The following TMEM132D variants were observed in gnomAD, a reference collection of about 807,000 sequenced individuals.
The protein encoded by TMEM132D is mature OL transmembrane protein.
A neutral mutation model predicts 62.3 loss-of-function variants in TMEM132D; 21 were observed. The ratio of observed to expected loss-of-function variants is 0.34; its 90% CI spans 0.24 to 0.49. The LOEUF is 0.49. TMEM132D is among the 20% of genes least tolerant of loss of function. The pLI is 0.99. For synonymous variants in TMEM132D, 621 were observed against 575.6 expected (o/e 1.08, Z -1.13); for missense variants, 1,346 against 1,402.8 (o/e 0.96, Z 0.65).
intron 2 of TMEM132D, among the ~76,000 whole-genome samples, chr12:129,668,891 A>T (rs1266386230): frequency 6.6e-6 from 1 of 152,176 alleles, no homozygotes; most frequent in Non-Finnish European, 1.5e-5. Flanking sequence ...CTCACTGGGG[A>T]ATCTGGCCTC....
At chr12:129,448,720 A>G (rs1593013115) in intron 3 of TMEM132D, among the ~76,000 whole-genome samples, 1 of 152,198 alleles carries the variant, frequency 6.6e-6, no homozygotes. Flanking sequence ...AAAAACTTTA[A>G]TCATACAGGA....
chr12:129,541,149 C>G (rs944472457), intron 2 of TMEM132D, among the ~76,000 whole-genome samples: 14 of 152,164 alleles, frequency 9.2e-5, no homozygotes, highest in Admixed American at 6.5e-5. Context: ...GGAGCGGCTA[C>G]TTAGAACCAC....
At chr12:129,845,715 CA>C (rs1037366790) in intron 1 of TMEM132D, among the ~76,000 whole-genome samples, 63 of 152,128 alleles carry the variant, frequency 4.1e-4, no homozygotes, top group African/African-American at 1.5e-3. Context: ...AGATAAGCCC[CA>C]AAATTGGGGC....
chr12:129,325,074 C>T (rs748659912), intron 4 of TMEM132D, among the ~76,000 whole-genome samples: 3 of 152,266 alleles, frequency 2.0e-5, no homozygotes, highest in South Asian at 4.1e-4. Context: ...AGGTCATCTA[C>T]CTCACCCAAA....
chr12:129,405,048 T>C (rs1351573455), intron 3 of TMEM132D, among the ~76,000 whole-genome samples: 1 of 152,208 alleles, frequency 6.6e-6, no homozygotes, highest in African/African-American at 2.4e-5. Flanking sequence ...TATCTTTCAA[T>C]ATCATTTTAA....
intron 1 of TMEM132D, among the ~76,000 whole-genome samples, chr12:129,783,961 GT>G (rs34310400): frequency 0.11 from 16,934 of 152,156 alleles, 1,202 homozygotes; most frequent in East Asian, 0.2. Flanking sequence ...ATCTTTTATG[GT>G]TGTTTTTTCC....
chr12:129,408,410 T>G (rs965639196), intron 3 of TMEM132D, among the ~76,000 whole-genome samples: 6 of 151,946 alleles, frequency 3.9e-5, no homozygotes, highest in African/African-American at 1.4e-4. Context: ...TAGATTACTT[T>G]GTGGTGAGTC....
chr12:129,535,345 T>C (rs964827191), intron 2 of TMEM132D, among the ~76,000 whole-genome samples: 1 of 152,216 alleles, frequency 6.6e-6, no homozygotes, highest in African/African-American at 2.4e-5. Flanking sequence ...AGTCAGTCTT[T>C]ACCTGGACAG....
At chr12:129,488,800 C>T (rs1325877631) in intron 3 of TMEM132D, among the ~76,000 whole-genome samples, 2 of 151,890 alleles carry the variant, frequency 1.3e-5, no homozygotes, top group Non-Finnish European at 2.9e-5. Flanking sequence ...TGGGATCTTT[C>T]AGGCCATGAG....
intron 1 of TMEM132D, among the ~76,000 whole-genome samples, chr12:129,753,920 T>A (rs1388732009): frequency 6.6e-6 from 1 of 152,204 alleles, no homozygotes; most frequent in Non-Finnish European, 1.5e-5. Context: ...TCCCCTATTA[T>A]TCCTCCACTA....
intron 1 of TMEM132D, among the ~76,000 whole-genome samples, chr12:129,806,328 T>A: frequency 1.7e-5 from 1 of 59,202 alleles, no homozygotes; most frequent in Non-Finnish European, 3.6e-5. Context: ...ATTAAGAAAA[T>A]GTGGCACATA....
intron 3 of TMEM132D, among the ~76,000 whole-genome samples, chr12:129,466,681 A>G (rs1306090729): frequency 2.0e-5 from 3 of 152,278 alleles, no homozygotes; most frequent in Admixed American, 1.3e-4. Flanking sequence ...TCAGGCTCCA[A>G]GAGGGAACAG....
chr12:129,663,908 A>G (rs573451812), intron 2 of TMEM132D, among the ~76,000 whole-genome samples: 18 of 152,156 alleles, frequency 1.2e-4, no homozygotes, highest in African/African-American at 4.3e-4. Context: ...AAGAAGTTGC[A>G]TGGAATTTAG....
At chr12:129,525,163 G>A (rs1478066066) in intron 3 of TMEM132D, among the ~76,000 whole-genome samples, 1 of 142,458 alleles carries the variant, frequency 7.0e-6, no homozygotes, top group African/African-American at 2.6e-5. Flanking sequence ...CTGACTTCGT[G>A]ATCTGCCCGC....
chr12:129,820,400 C>A (rs939832938), intron 1 of TMEM132D, among the ~76,000 whole-genome samples: 3 of 152,172 alleles, frequency 2.0e-5, no homozygotes, highest in Admixed American at 2.0e-4. Flanking sequence ...TTATTCGAGT[C>A]TGGCAGAGCT....
intron 5 of TMEM132D, among the ~76,000 whole-genome samples, chr12:129,090,394 G>T (rs573005991): frequency 1.3e-5 from 2 of 152,144 alleles, no homozygotes; most frequent in African/African-American, 4.8e-5. Flanking sequence ...GGGGCTGGGC[G>T]CAGGCTCACA....
At chr12:129,660,238 A>T (rs1880201636) in intron 2 of TMEM132D, among the ~76,000 whole-genome samples, 1 of 152,112 alleles carries the variant, frequency 6.6e-6, no homozygotes, top group Admixed American at 6.6e-5. Context: ...ACAAATGGGG[A>T]AGGCAATTCA....
intron 5 of TMEM132D, among the ~76,000 whole-genome samples, chr12:129,090,224 A>C (rs2036146971): frequency 6.6e-6 from 1 of 152,190 alleles, no homozygotes; most frequent in Non-Finnish European, 1.5e-5. Context: ...GCTGAATGGC[A>C]CATGCTCCAG....
chr12:129,158,527 A>G (rs764163303), intron 5 of TMEM132D, among the ~76,000 whole-genome samples: 20 of 152,242 alleles, frequency 1.3e-4, no homozygotes, highest in Non-Finnish European at 2.8e-4. Context: ...ATCTGTTGGC[A>G]TAGAAGTATA....
Sources: gnomAD v4.1 joint callset for allele counts (sites outside exome capture counted in the v4.1 genomes callset) on GRCh38, gnomAD v4.1.1 for gene constraint, MANE v1.5 for transcripts, NCBI Gene and HGNC (gene_info 2026-07-23, HGNC 2026-07-21) for gene names.